XPO7: variants seen among roughly 807,000 people sequenced by gnomAD.
XPO7 encodes the protein exportin-7.
In XPO7, 21 loss-of-function variants were observed where a neutral mutation model predicts 144.3. That is an observed-to-expected ratio of 0.15 (90% CI 0.10 to 0.21). The LOEUF (loss-of-function observed/expected upper bound fraction) is 0.21, where lower values mean the gene tolerates loss of function less well. XPO7 is among the 10% of genes least tolerant of loss of function. XPO7 has a pLI of 1.00. For synonymous variants in XPO7, 580 were observed against 499.6 expected (o/e 1.16, Z -2.15); for missense variants, 808 against 1,325.8 (o/e 0.61, Z 6.06).
intron 1 of XPO7, chr8:21,921,402 TGAGCATTC>T (rs1411444398): frequency 6.6e-6 from 1 of 152,336 alleles, no homozygotes; most frequent in Non-Finnish European, 1.5e-5. Flanking sequence ...GGGATGTCTA[TGAGCATTC>T]TAGAACAGGC....
At chr8:21,967,871 C>A (rs997533305) in intron 2 of XPO7, among the ~76,000 whole-genome samples, 3 of 152,308 alleles carry the variant, frequency 2.0e-5, no homozygotes, top group Non-Finnish European at 2.9e-5. Context: ...AAATCACTAT[C>A]TTTGGCAAGA....
chr8:22,002,075 A>G, intron 24 of XPO7, 37 bp from the exon 25 acceptor site: 12 of 1,573,540 alleles, frequency 7.6e-6, no homozygotes, highest in Non-Finnish European at 1.0e-5. Flanking sequence ...GGCCACCATC[A>G]GCAGCTCTGT....
At position 22,005,168 on chromosome 8, in the gene XPO7, C is replaced by A; in HGVS notation, c.*80C>A. The A allele has an allele frequency of 3.6e-6, 4 of 1,126,364 alleles. No individual in the cohort carries two copies. The highest frequency in any genetic ancestry group is 5.0e-6 in the Non-Finnish European group (4 of 793,274). The allele number at this position is 1,126,364 out of a possible 1,614,324, so 69.8% of individuals were successfully genotyped here. A position where few individuals can be genotyped will look rare whatever the true frequency, so the allele number is the denominator to read the frequency against. ...GGGCGAACAATTGCAAGGGAGAGGG[C>A]CTGGCTGATCCTGGCTCTTTTCTCC... On this transcript the variant is annotated 3_prime_UTR_variant, in exon 28 of 28. Transcript: ENST00000252512.
At chr8:22,000,519 C>G (rs545465212) in intron 24 of XPO7, among the ~76,000 whole-genome samples, 1 of 144,966 alleles carries the variant, frequency 6.9e-6, no homozygotes, top group South Asian at 2.1e-4. Context: ...GTGGCGCGAT[C>G]TCAGCTCACT....
Position 21,987,145 on chromosome 8 carries a change from C to T in XPO7, c.1582C>T (p.Leu528Phe). 6.2e-7 allele frequency: 1 copy of T among 1,613,878 alleles called. No homozygotes were observed. Among genetic ancestry groups the T allele is most frequent in the Non-Finnish European group, 8.5e-7 (1 of 1,179,892 alleles). The change falls in exon 14 of 28, where the codon CTC becomes TTC. Residue 528 changes from leucine (L) to phenylalanine (F), a missense_variant. Leu to Phe is a conservative substitution (Grantham distance 22, BLOSUM62 0). Coordinates refer to ENST00000252512, the MANE Select transcript of XPO7 (RefSeq NM_015024.5). Reference sequence around the variant, plus strand: ...TCATTGCTCCTCTTCCTCCAGGGTGCTCCAGCTGATGAACCTAACAGATTC... The same window carrying T: ...TCATTGCTCCTCTTCCTCCAGGGTGTTCCAGCTGATGAACCTAACAGATTC... ...AMDGELVCRV[L>F]QLMNLTDSRL...
intron 1 of XPO7, among the ~76,000 whole-genome samples, chr8:21,940,249 A>G (rs1005109927): frequency 2.0e-5 from 3 of 152,262 alleles, no homozygotes; most frequent in Middle Eastern, 3.2e-3. Flanking sequence ...GATATAGGAA[A>G]AGAATCAAAT....
chr8:21,968,534 G>C (rs1033956840), intron 2 of XPO7, among the ~76,000 whole-genome samples: 1 of 152,176 alleles, frequency 6.6e-6, no homozygotes, highest in Non-Finnish European at 1.5e-5. Context: ...ACTTGTATTT[G>C]TCCTGTGGGA....
At chr8:21,980,753 C>CGACA (rs1398360639) in intron 9 of XPO7, among the ~76,000 whole-genome samples, 2 of 148,576 alleles carry the variant, frequency 1.3e-5, no homozygotes, top group Non-Finnish European at 3.0e-5. Context: ...CCAGCTTGGG[C>CGACA]GACAGAGTAA....
At chr8:21,975,213 G>A (rs928646239) in intron 6 of XPO7, among the ~76,000 whole-genome samples, 2 of 152,216 alleles carry the variant, frequency 1.3e-5, no homozygotes, top group Non-Finnish European at 2.9e-5. Flanking sequence ...AACCAGGCTG[G>A]TTCCCCTGTC....
intron 1 of XPO7, among the ~76,000 whole-genome samples, chr8:21,932,895 A>G (rs558065176): frequency 3.9e-4 from 59 of 152,290 alleles, no homozygotes; most frequent in Non-Finnish European, 7.1e-4. Context: ...GCTGTAATGT[A>G]TATTTAATAT....
In XPO7 at chr8:21,990,246, A is replaced by G. The variant is rs955975426; in HGVS notation, c.1869-98A>G. The G allele has an allele frequency of 5.8e-6, 7 of 1,209,928 alleles. No homozygotes were observed. The African/African-American group carries it at 7.6e-5, about 13-fold the overall frequency. The allele number at this position is 1,209,928 out of a possible 1,614,324, so 74.9% of individuals were successfully genotyped here. On this transcript the variant is annotated intron_variant, in intron 16 of 27. Transcript: ENST00000252512. ...ACTCAAGTATTTTTTAAAAAATAAG[A>G]TATTTGGGTGAACTGTCCTTTATTC...
chr8:21,923,517 A>T (rs1033772343), intron 1 of XPO7, among the ~76,000 whole-genome samples: 4 of 152,240 alleles, frequency 2.6e-5, no homozygotes, highest in South Asian at 2.1e-4. Context: ...ATATATCTAT[A>T]TATTTACTTG....
chr8:21,968,694 G>A (rs1282023506), intron 2 of XPO7, among the ~76,000 whole-genome samples: 1 of 152,176 alleles, frequency 6.6e-6, no homozygotes, highest in Non-Finnish European at 1.5e-5. Flanking sequence ...GACTTTCTGT[G>A]TCATAGAAAA....
intron 1 of XPO7, among the ~76,000 whole-genome samples, chr8:21,930,867 A>G (rs752275742): frequency 1.3e-5 from 2 of 152,146 alleles, no homozygotes; most frequent in Non-Finnish European, 2.9e-5. Flanking sequence ...GATGTCAGAT[A>G]CTGTTGCCCA....
chr8:21,980,234 A>G (rs1812359918), intron 9 of XPO7, 31 bp downstream of exon 9: 1 of 1,554,930 alleles, frequency 6.4e-7, no homozygotes. Context: ...ACATATGTAT[A>G]GGATTAGTGT....
chr8:21,950,888 G>C (rs190167444), intron 1 of XPO7, among the ~76,000 whole-genome samples: 286 of 152,062 alleles, frequency 1.9e-3, no homozygotes, highest in African/African-American at 6.5e-3. Context: ...TTGGGAGGCT[G>C]AGGAGGGTGG....
At chr8:21,972,388 A>G (rs1184538537) in intron 5 of XPO7, among the ~76,000 whole-genome samples, 2 of 152,106 alleles carry the variant, frequency 1.3e-5, no homozygotes, top group Non-Finnish European at 2.9e-5. Flanking sequence ...CAGGCAGGAG[A>G]ATCGCTTGAA....
At chr8:21,938,878 G>C (rs900457193) in intron 1 of XPO7, among the ~76,000 whole-genome samples, 1 of 151,878 alleles carries the variant, frequency 6.6e-6, no homozygotes, top group African/African-American at 2.4e-5. Context: ...TATGTGTGCT[G>C]TTTAATGAGA....
chr8:21,969,862 G>A (rs932896854), intron 3 of XPO7: 2 of 545,486 alleles, frequency 3.7e-6, no homozygotes, highest in African/African-American at 3.8e-5. Context: ...TAATGATTTT[G>A]AATTCTGTGT....
Sources: allele counts gnomAD v4.1 joint callset (sites outside exome capture counted in the v4.1 genomes callset), GRCh38; gene constraint gnomAD v4.1.1; transcripts MANE v1.5; gene names NCBI Gene and HGNC (gene_info 2026-07-23, HGNC 2026-07-21).